Variants in ASMTL observed in about 807,000 individuals in gnomAD.
The protein encoded by ASMTL is acetylserotonin O-methyltransferase like.
Under a neutral mutation model 60.3 loss-of-function variants are expected in ASMTL, and 57 were observed. That is an observed-to-expected ratio of 0.95 (90% CI 0.76 to 1.18). ASMTL has a LOEUF of 1.18. ASMTL is among the 50% of genes most tolerant of loss of function. The pLI is 0.00. For missense variants in ASMTL, 981 were observed against 852.6 expected (o/e 1.15, Z -1.88); for synonymous variants, 419 against 373.0 (o/e 1.12, Z -1.42).
At position 1,427,967 on chromosome X, in the gene ASMTL, G is replaced by C. The variant is rs372242779; in HGVS notation, c.664C>G (p.Arg222Gly). 6.2e-7 allele frequency: 1 copy of C among 1,613,384 alleles called. No homozygotes were observed. Among genetic ancestry groups the C allele is most frequent in the Non-Finnish European group, 8.5e-7 (1 of 1,179,826 alleles). ...GGGATGGAGTCGTGCTTGACACTCC[G>C]CCGCAGGTCCTCCGGACGGGGCGGG... ...YYPPRPEDLR[R>G]SVKHDSIPAA... Residue 222 changes from arginine (R) to glycine (G), a missense_variant, in exon 7 of 13, where the codon CGG becomes GGG. By Grantham distance (125) the Arg-to-Gly change is moderately radical. Coordinates refer to ENST00000381317, the MANE Select transcript of ASMTL (RefSeq NM_004192.4).
At chrX:1,417,512 GAC>G (rs1256529880) in intron 11 of ASMTL, among the ~76,000 whole-genome samples, 18 of 63,144 alleles carry the variant, frequency 2.9e-4, no homozygotes, top group African/African-American at 4.1e-5. Context: ...CACAGATACA[GAC>G]ACAGACATGC....
At position 1,404,466 on chromosome X, in the gene ASMTL, GTAGA is replaced by G. The variant is rs749505769; in HGVS notation, c.1646-981_1646-978del. ...GATGGGTGAATAGATGGGTAGGTAGGTAGATAGATGGATGTATAGATGGATGGAT... is the reference window on the plus strand; with the variant it reads ...GATGGGTGAATAGATGGGTAGGTAGGTAGATGGATGTATAGATGGATGGAT... On this transcript the variant is annotated intron_variant, in intron 12 of 12. Transcript: ENST00000381317. 4.0e-3 allele frequency among the ~76,000 whole-genome samples: 600 copies of G among 150,322 alleles called. 1 individual carries two copies. Among genetic ancestry groups the G allele is most frequent in the African/African-American group, 9.4e-3 (382 of 40,764 alleles).
chrX:1,442,222 C>A lies in ASMTL; in HGVS notation c.189G>T (p.Lys63Asn), dbSNP rs772198950. 1.1e-5 allele frequency: 17 copies of A among 1,613,700 alleles called. No individual in the cohort carries two copies. The Admixed American group carries it at 2.8e-4, about 27-fold the overall frequency. Residue 63 changes from lysine (K) to asparagine (N), a missense_variant, in exon 2 of 13, where the codon AAG becomes AAT. By Grantham distance (94) the Lys-to-Asn change is moderately conservative. Transcript: ENST00000381317. ...TPYGYAMETA[K>N]QKALEVANRL... The stretch of plus-strand genomic sequence containing the variant: ...GGTTGGCCACCTCCAGGGCCTTCTG[C>A]TTGGCGGTCTCCATGGCGTACCCAT...
At position 1,418,896 on chromosome X, in the gene ASMTL, G is replaced by T. The variant is rs767545828; in HGVS notation, c.1378+86C>A. 12 of 1,541,586 alleles carry T rather than the reference G, an allele frequency of 7.8e-6. No homozygotes were observed. In the African/African-American group the frequency reaches 1.6e-4, roughly 21 times the overall value. On this transcript the variant is annotated intron_variant, in intron 10 of 12. Coordinates refer to ENST00000381317, the MANE Select transcript of ASMTL (RefSeq NM_004192.4). ...GTTATCAGGTTTGTCAATGGAAAAAGGCAGTTGGTAGGTGTCCTGAGCAGG... is the reference window on the plus strand; with the variant it reads ...GTTATCAGGTTTGTCAATGGAAAAATGCAGTTGGTAGGTGTCCTGAGCAGG...
Position 1,417,301 on chromosome X carries a change from A to ACC in ASMTL, c.1522+671_1522+672insGG, listed in dbSNP as rs1421106338. ...CACACAAATGCAGACACAGACGGGCACACAGACGCACATACACAGACATGC... is the reference window on the plus strand; with the variant it reads ...CACACAAATGCAGACACAGACGGGCACCCACAGACGCACATACACAGACATGC... On this transcript the variant is annotated intron_variant, in intron 11 of 12. Transcript: ENST00000381317. 1.6e-4 allele frequency among the ~76,000 whole-genome samples: 3 copies of ACC among 18,494 alleles called. No individual in the cohort carries two copies. In the Non-Finnish European group the frequency reaches 2.1e-3, roughly 13 times the overall value. The allele number at this position is 18,494 out of a possible 152,430, so 12.1% of individuals were successfully genotyped here.
chrX:1,428,041 A>G lies in ASMTL; in HGVS notation c.590T>C (p.Val197Ala). Reference sequence around the variant, plus strand: ...GCAGAAGTGGTTCAGCGGGAATCCCACCACGTTCAGAAAGTCCCCGTGTAC... The same window carrying G: ...GCAGAAGTGGTTCAGCGGGAATCCCGCCACGTTCAGAAAGTCCCCGTGTAC... The part of the protein sequence containing the change: ...ESVHGDFLNV[V>A]GFPLNHFCKQ... Residue 197 changes from valine to alanine, a missense_variant, in exon 7 of 13, where the codon GTG becomes GCG. Transcript: ENST00000381317. 6.2e-7 allele frequency: 1 copy of G among 1,613,702 alleles called. No homozygotes were observed. Among genetic ancestry groups the G allele is most frequent in the Non-Finnish European group, 8.5e-7 (1 of 1,179,850 alleles).
chrX:1,417,888 G>A, intron 11 of ASMTL, 85 bp downstream of exon 11: 4 of 1,506,008 alleles, frequency 2.7e-6, no homozygotes, highest in Non-Finnish European at 3.6e-6. Flanking sequence ...CAGAAACACA[G>A]GTGCACACAC....
At chrX:1,433,348 TGTC>T (rs2090861133) in intron 5 of ASMTL, among the ~76,000 whole-genome samples, 1 of 151,122 alleles carries the variant, frequency 6.6e-6, no homozygotes. Flanking sequence ...TGGCGGATGA[TGTC>T]GTTAATCCTG....
intron 1 of ASMTL, among the ~76,000 whole-genome samples, chrX:1,452,495 T>C (rs1252327101): frequency 8.0e-6 from 1 of 125,224 alleles, no homozygotes; most frequent in Non-Finnish European, 1.7e-5. Flanking sequence ...CCCATCCCTA[T>C]GGGGACCCAG....
rs1454339537 is a variant in ASMTL, at chrX:1,439,138, G to T, written c.232C>A (p.Leu78Met). The change falls in exon 3 of 13, where the codon CTG (leucine) becomes ATG (methionine). Residue 78 changes from leucine (L) to methionine (M), a missense_variant. By Grantham distance (15) the Leu-to-Met change is conservative (BLOSUM62 2). Coordinates refer to ENST00000381317, the MANE Select transcript of ASMTL (RefSeq NM_004192.4). ...EVANRLYQKD[L>M]RAPDVVIGAD... ...CCAATGACCACGTCGGGGGCCCGCA[G>T]GTCTTTCTGTAAGAAAACCAGATTC... is the stretch of plus-strand genomic sequence containing the variant. 6.2e-7 allele frequency: 1 copy of T among 1,614,010 alleles called. No individual in the cohort carries two copies. Among genetic ancestry groups the T allele is most frequent in the South Asian group, 1.1e-5 (1 of 91,076 alleles).
At chrX:1,419,397 G>C (rs1191763190) in intron 9 of ASMTL, among the ~76,000 whole-genome samples, 1 of 152,170 alleles carries the variant, frequency 6.6e-6, no homozygotes, top group Non-Finnish European at 1.5e-5. Context: ...TTCGCAGTAG[G>C]CTTTTCACAA....
chrX:1,421,469 A>C (rs1490357063), intron 9 of ASMTL, among the ~76,000 whole-genome samples, 189 bp downstream of exon 9: 1 of 152,148 alleles, frequency 6.6e-6, no homozygotes, highest in Non-Finnish European at 1.5e-5. Flanking sequence ...AGGATGTCTA[A>C]GTTGCACCTG....
chrX:1,415,791 C>T (rs190483394), intron 11 of ASMTL, among the ~76,000 whole-genome samples: 2 of 152,168 alleles, frequency 1.3e-5, no homozygotes, highest in Non-Finnish European at 2.9e-5. Context: ...GAGATGCCCT[C>T]GTGTCTGTGT....
intron 3 of ASMTL, among the ~76,000 whole-genome samples, chrX:1,438,799 G>T (rs1179740846): frequency 6.6e-6 from 1 of 152,022 alleles, no homozygotes; most frequent in Non-Finnish European, 1.5e-5. Flanking sequence ...GCTAATTTTT[G>T]TATTTTTAGT....
rs759548227 is a variant in ASMTL, at chrX:1,434,896, T to C, written c.400+126A>G. ...GCGGACAACTTTCCCAAGCAGGACA[T>C]AGGCACAAACCCCTCCACAGGTGGG... On this transcript the variant is annotated intron_variant, in intron 5 of 12. Transcript: ENST00000381317. 2.7e-4 allele frequency: 259 copies of C among 956,600 alleles called. No individual in the cohort carries two copies. In the Middle Eastern group the frequency reaches 6.0e-3, roughly 22 times the overall value. The allele number at this position is 956,600 out of a possible 1,614,324, so 59.3% of individuals were successfully genotyped here. A position where few individuals can be genotyped will look rare whatever the true frequency, so the allele number is the denominator to read the frequency against.
intron 5 of ASMTL, 150 bp from the exon 6 acceptor site, chrX:1,432,527 G>A (rs1361638692): frequency 1.0e-5 from 7 of 686,100 alleles, no homozygotes; most frequent in Middle Eastern, 4.0e-4. Context: ...GGTTCATTTC[G>A]GACAAGAAAA....
At chrX:1,415,471 CT>C (rs768836925) in intron 11 of ASMTL, among the ~76,000 whole-genome samples, 3,896 of 147,050 alleles carry the variant, frequency 0.026, 209 homozygotes, top group African/African-American at 0.092. Flanking sequence ...TTATCATTGT[CT>C]TTTTTTTTTT....
chrX:1,428,781 GAGA>G (rs1384655797), intron 6 of ASMTL, among the ~76,000 whole-genome samples: 5 of 147,128 alleles, frequency 3.4e-5, no homozygotes, highest in African/African-American at 1.0e-4. Flanking sequence ...TGTGTGTGGG[GAGA>G]AGACTTCAGA....
intron 3 of ASMTL, 49 bp downstream of exon 3, chrX:1,439,048 A>G (rs1317308242): frequency 3.8e-6 from 6 of 1,599,592 alleles, no homozygotes; most frequent in Non-Finnish European, 2.6e-6. Context: ...CACCAAGCAC[A>G]GGAAAACCAC....
Sources: allele counts gnomAD v4.1 joint callset (sites outside exome capture counted in the v4.1 genomes callset), GRCh38; gene constraint gnomAD v4.1.1; transcripts MANE v1.5; gene names NCBI Gene and HGNC (gene_info 2026-07-23, HGNC 2026-07-21).